The following CBFA2T2 variants were observed in gnomAD, a reference collection of about 807,000 sequenced individuals.
CBFA2T2 encodes the protein CBFA2/RUNX1 partner transcriptional co-repressor 2.
A neutral mutation model predicts 62.2 loss-of-function variants in CBFA2T2; 11 were observed. That is an observed-to-expected ratio of 0.18 (90% CI 0.11 to 0.29). CBFA2T2 has a LOEUF of 0.29. Ranked by LOEUF, CBFA2T2 falls within the 10% of genes least tolerant of loss-of-function variation. The probability of loss-of-function intolerance (pLI) is 1.00; values close to 1 mark genes in which losing one functional copy is unlikely to be tolerated. For synonymous variants in CBFA2T2, 295 were observed against 287.5 expected, an observed-to-expected ratio of 1.03 and a Z score of -0.27; for missense variants, 592 against 774.1, an observed-to-expected ratio of 0.76 and a Z score of 2.79.
At chr20:33,617,225 C>A (rs898697649) in intron 3 of CBFA2T2, among the ~76,000 whole-genome samples, 8 of 150,556 alleles carry the variant, frequency 5.3e-5, no homozygotes, top group Non-Finnish European at 1.0e-4. Flanking sequence ...CAGAGCTAGA[C>A]CCTATCTCTG....
chr20:33,505,462 T>A (rs1447580150), intron 1 of CBFA2T2, among the ~76,000 whole-genome samples: 2 of 152,146 alleles, frequency 1.3e-5, no homozygotes, highest in Non-Finnish European at 2.9e-5. Flanking sequence ...TGGGAACAAG[T>A]TTGCAGAAAA....
chr20:33,631,158 C>G (rs1373384166), intron 8 of CBFA2T2, among the ~76,000 whole-genome samples: 5 of 152,050 alleles, frequency 3.3e-5, no homozygotes, highest in African/African-American at 9.7e-5. Context: ...ACTAAAAATA[C>G]AAAAAATTAG....
At position 33,530,817 on chromosome 20, in the gene CBFA2T2, A is replaced by C. The variant is rs188834352; in HGVS notation, c.34+40516A>C. 1.1e-3 allele frequency among the ~76,000 whole-genome samples: 160 copies of C among 152,216 alleles called. 1 individual carries two copies. The highest frequency in any genetic ancestry group is 2.5e-3 in the Admixed American group (39 of 15,298). On this transcript the variant is annotated intron_variant, in intron 1 of 10. Coordinates refer to ENST00000342704, the MANE Select transcript of CBFA2T2 (RefSeq NM_001032999.3). ...AAGATGGCGCCAGGCGCGGTGGCTC[A>C]CACCTGTAATCCCAGCACTTTGGGA... is the stretch of plus-strand genomic sequence containing the variant.
At chr20:33,636,481 A>G (rs919938988) in intron 8 of CBFA2T2, among the ~76,000 whole-genome samples, 159 bp from the exon 9 acceptor site, 2 of 152,130 alleles carry the variant, frequency 1.3e-5, no homozygotes, top group African/African-American at 4.8e-5. Context: ...TATTTACTGT[A>G]CTATTTTATA....
chr20:33,568,518 G>A (rs1246283013), intron 1 of CBFA2T2, among the ~76,000 whole-genome samples: 1 of 152,134 alleles, frequency 6.6e-6, no homozygotes, highest in African/African-American at 2.4e-5. Context: ...TGGGGGATGG[G>A]CTGCTTTGAG....
At chr20:33,615,404 AATAAAC>A (rs1450683051) in intron 3 of CBFA2T2, among the ~76,000 whole-genome samples, 2 of 152,164 alleles carry the variant, frequency 1.3e-5, no homozygotes, top group African/African-American at 2.4e-5. Context: ...CTAAGAAAAT[AATAAAC>A]ATAAACAATA....
At chr20:33,541,991 G>A (rs912830377) in intron 1 of CBFA2T2, among the ~76,000 whole-genome samples, 1 of 152,100 alleles carries the variant, frequency 6.6e-6, no homozygotes, top group Admixed American at 6.5e-5. Flanking sequence ...TGATCCTCCC[G>A]CCTCAGCCTC....
rs148041999 is a variant in CBFA2T2 at position 33,633,902 on chromosome 20, T to G, written c.1229-2738T>G. On this transcript the variant is annotated intron_variant, in intron 8 of 10. Coordinates refer to ENST00000342704, the MANE Select transcript of CBFA2T2 (RefSeq NM_001032999.3). Reference sequence around the variant, plus strand: ...AAATTGTATATTAATATTTTTATTATATTGTATGTTAATATTTTATGAACT... The same window carrying G: ...AAATTGTATATTAATATTTTTATTAGATTGTATGTTAATATTTTATGAACT... Among the ~76,000 whole-genome samples, 833 of 152,344 alleles carry G rather than the reference T, an allele frequency of 5.5e-3. 6 individuals carry two copies. Among genetic ancestry groups the G allele is most frequent in the African/African-American group, 0.019 (787 of 41,568 alleles).
chr20:33,607,867 T>C (rs1243958972), intron 2 of CBFA2T2, among the ~76,000 whole-genome samples: 1 of 152,202 alleles, frequency 6.6e-6, no homozygotes, highest in African/African-American at 2.4e-5. Context: ...ATTCAGTCCA[T>C]AACCATTATG....
At chr20:33,581,214 A>AAGCT (rs1339375811) in intron 1 of CBFA2T2, among the ~76,000 whole-genome samples, 1 of 151,726 alleles carries the variant, frequency 6.6e-6, no homozygotes, top group Non-Finnish European at 1.5e-5. Context: ...ACACGCCACC[A>AAGCT]CACCTGGCTA....
intron 1 of CBFA2T2, among the ~76,000 whole-genome samples, chr20:33,555,162 G>GT (rs2012859903): frequency 6.6e-6 from 1 of 152,004 alleles, no homozygotes; most frequent in Non-Finnish European, 1.5e-5. Flanking sequence ...CTAGTTAGAG[G>GT]TTTGTTTTTG....
chr20:33,527,836 T>TC (rs1369560650), intron 1 of CBFA2T2, among the ~76,000 whole-genome samples: 1 of 152,092 alleles, frequency 6.6e-6, no homozygotes, highest in Admixed American at 6.6e-5. Flanking sequence ...CAGCCTCCAC[T>TC]CCCAGCCTGA....
At chr20:33,507,152 A>G (rs1362658220) in intron 1 of CBFA2T2, among the ~76,000 whole-genome samples, 1 of 152,234 alleles carries the variant, frequency 6.6e-6, no homozygotes, top group Non-Finnish European at 1.5e-5. Context: ...AATTGTCATT[A>G]CAGTGACTAA....
At position 33,649,637 on chromosome 20, in the gene CBFA2T2, C is replaced by T. The variant is rs1204184269; in HGVS notation, c.*4991C>T. On this transcript the variant is annotated 3_prime_UTR_variant, in exon 11 of 11. Transcript: ENST00000342704. ...TGGTGTCTGTTGGGGACAGCCCCAT[C>T]CCTACCTTGGAGTCGGCAGAGAAGC... The T allele has an allele frequency of 6.6e-6, 1 of 152,244 alleles. No individual in the cohort carries two copies. The highest frequency in any genetic ancestry group is 2.4e-5 in the African/African-American group (1 of 41,450). 9.4% of individuals were successfully genotyped at this position (152,244 alleles called of 1,614,324 possible).
intron 1 of CBFA2T2, among the ~76,000 whole-genome samples, chr20:33,520,625 G>C (rs2011702431): frequency 6.6e-6 from 1 of 152,128 alleles, no homozygotes; most frequent in Middle Eastern, 3.4e-3. Flanking sequence ...GCAAAAATTA[G>C]CTGGGTGTGG....
intron 1 of CBFA2T2, among the ~76,000 whole-genome samples, chr20:33,545,354 T>A (rs1301297026): frequency 6.6e-6 from 1 of 152,220 alleles, no homozygotes; most frequent in African/African-American, 2.4e-5. Flanking sequence ...AAAATTTCCT[T>A]GAAATAAAAT....
chr20:33,570,905 C>T (rs1486982712), intron 1 of CBFA2T2, among the ~76,000 whole-genome samples: 1 of 152,150 alleles, frequency 6.6e-6, no homozygotes, highest in Non-Finnish European at 1.5e-5. Flanking sequence ...CACAAGCAAA[C>T]TGTGCTTCTG....
chr20:33,548,881 A>G (rs1056395786), intron 1 of CBFA2T2, among the ~76,000 whole-genome samples: 4 of 152,160 alleles, frequency 2.6e-5, no homozygotes, highest in Non-Finnish European at 5.9e-5. Context: ...ACTTGAGCCC[A>G]TAAGTTTGAG....
rs6141971 is a variant in CBFA2T2 at position 33,545,093 on chromosome 20, G to A, written c.34+54792G>A. Among the ~76,000 whole-genome samples, 30 of 152,238 alleles carry A rather than the reference G, an allele frequency of 2.0e-4. No individual in the cohort carries two copies. The East Asian group carries it at 3.1e-3, about 16-fold the overall frequency. On this transcript the variant is annotated intron_variant, in intron 1 of 10. Transcript: ENST00000342704. ...TTGTGGTTTCTTTACTCCAAATGAC[G>A]TTAACCATGTTTTTCACATTTTTTG...
Sources: gnomAD v4.1 joint callset for allele counts (sites outside exome capture counted in the v4.1 genomes callset) on GRCh38, gnomAD v4.1.1 for gene constraint, MANE v1.5 for transcripts, NCBI Gene and HGNC (gene_info 2026-07-23, HGNC 2026-07-21) for gene names.